Variants in IL1RAPL1 observed in about 807,000 individuals in gnomAD.
The protein encoded by IL1RAPL1 is interleukin 1 receptor accessory protein like 1, also known as interleukin-1 receptor accessory protein-like 1.
Under a neutral mutation model 48.4 loss-of-function variants are expected in IL1RAPL1, and 3 were observed. The observed-to-expected ratio is 0.06, with a 90% CI of 0.03 to 0.16. The LOEUF is 0.16. Ranked by LOEUF, IL1RAPL1 falls within the 10% of genes least tolerant of loss-of-function variation. The pLI, the probability that IL1RAPL1 is intolerant of heterozygous loss-of-function variation, is 1.00. For missense variants in IL1RAPL1, 349 were observed against 530.6 expected (o/e 0.66, Z 3.36); for synonymous variants, 185 against 187.7 (o/e 0.99, Z 0.12).
chrX:29,348,975 G>C (rs1339496128), intron 3 of IL1RAPL1, among the ~76,000 whole-genome samples: 1 of 111,871 alleles, frequency 8.9e-6, no homozygotes. Flanking sequence ...CCCCCTGGAG[G>C]TTACCTCAAA....
At chrX:28,873,179 C>T (rs761889465) in intron 2 of IL1RAPL1, among the ~76,000 whole-genome samples, 146 of 96,518 alleles carry the variant, frequency 1.5e-3, no homozygotes, top group African/African-American at 5.5e-3. Flanking sequence ...GGCACGATCT[C>T]GGCTCACTGC....
chrX:28,680,509 T>C (rs1601857082), intron 1 of IL1RAPL1, among the ~76,000 whole-genome samples: 1 of 111,681 alleles, frequency 9.0e-6, no homozygotes, highest in East Asian at 2.8e-4. Context: ...GTGGTAAGCA[T>C]GGGTACCCTA....
At chrX:29,386,142 C>A (rs1010951988) in intron 3 of IL1RAPL1, among the ~76,000 whole-genome samples, 3 of 111,641 alleles carry the variant, frequency 2.7e-5, no homozygotes, top group Non-Finnish European at 5.6e-5. Context: ...CAATTCTCTG[C>A]CTCAGCCTCC....
chrX:28,929,730 A>G (rs1923832359), intron 2 of IL1RAPL1, among the ~76,000 whole-genome samples: 1 of 112,205 alleles, frequency 8.9e-6, no homozygotes, highest in South Asian at 3.7e-4. Flanking sequence ...TTACCTATTT[A>G]TGTCAAAATG....
In IL1RAPL1 at chrX:29,422,342, G is replaced by A. The variant is rs979326449; in HGVS notation, c.703+23034G>A. On this transcript the variant is annotated intron_variant, in intron 5 of 10. Coordinates refer to ENST00000378993, the MANE Select transcript of IL1RAPL1 (RefSeq NM_014271.4). Reference sequence around the variant, plus strand: ...GTCATTTGCGGGCGGGGAGAGGGAGGGAATCAGAGAGGCTATGAGACTGCT... The same window carrying A: ...GTCATTTGCGGGCGGGGAGAGGGAGAGAATCAGAGAGGCTATGAGACTGCT... 2.7e-5 allele frequency among the ~76,000 whole-genome samples: 3 copies of A among 110,757 alleles called. No individual in the cohort carries two copies. In the Admixed American group the frequency reaches 2.9e-4, roughly 11 times the overall value.
intron 8 of IL1RAPL1, among the ~76,000 whole-genome samples, chrX:29,928,824 C>T (rs1350083781): frequency 9.0e-6 from 1 of 111,530 alleles, no homozygotes; most frequent in Non-Finnish European, 1.9e-5. Flanking sequence ...CTTTTGACAA[C>T]CAGGTCAGTA....
At chrX:29,033,599 A>G (rs1926667057) in intron 2 of IL1RAPL1, among the ~76,000 whole-genome samples, 1 of 111,148 alleles carries the variant, frequency 9.0e-6, no homozygotes, top group Non-Finnish European at 1.9e-5. Context: ...ACCACTCAAG[A>G]CTTTTAAGTA....
At chrX:29,362,335 A>T (rs954127756) in intron 3 of IL1RAPL1, among the ~76,000 whole-genome samples, 1 of 112,064 alleles carries the variant, frequency 8.9e-6, no homozygotes, top group Admixed American at 9.5e-5. Context: ...GGTGCTCAAT[A>T]AATATTTGTG....
At chrX:29,685,779 G>A (rs1314461537) in intron 6 of IL1RAPL1, among the ~76,000 whole-genome samples, 2 of 110,119 alleles carry the variant, frequency 1.8e-5, no homozygotes, top group African/African-American at 6.6e-5. Flanking sequence ...GAGGTCAGGA[G>A]TTCGAGACCG....
intron 5 of IL1RAPL1, among the ~76,000 whole-genome samples, chrX:29,421,273 A>G (rs1394525312): frequency 9.0e-6 from 1 of 110,970 alleles, no homozygotes; most frequent in African/African-American, 3.3e-5. Context: ...CAACACAGCA[A>G]AGTGAGATGG....
intron 5 of IL1RAPL1, among the ~76,000 whole-genome samples, chrX:29,580,531 A>T (rs1473868026): frequency 9.0e-6 from 1 of 111,711 alleles, no homozygotes; most frequent in Non-Finnish European, 1.9e-5. Context: ...ATAATAAACT[A>T]TCTAAGTACT....
Position 29,661,793 on chromosome X carries a change from A to G in IL1RAPL1, c.704-6637A>G, listed in dbSNP as rs146189308. Among the ~76,000 whole-genome samples the G allele has an allele frequency of 6.5e-3, 733 of 111,961 alleles. 5 individuals are homozygous for G. The highest frequency in any genetic ancestry group is 0.023 in the African/African-American group (709 of 30,847). On this transcript the variant is annotated intron_variant, in intron 5 of 10. Coordinates refer to ENST00000378993, the MANE Select transcript of IL1RAPL1 (RefSeq NM_014271.4). ...CCCCTTAACTCATGAACATTCGTTT[A>G]TAATTCACATCTAGTCAGTCAGTAA...
intron 2 of IL1RAPL1, among the ~76,000 whole-genome samples, chrX:28,814,331 A>G (rs1196236096): frequency 1.1e-5 from 1 of 90,529 alleles, no homozygotes; most frequent in Non-Finnish European, 2.2e-5. Flanking sequence ...CTTTGGGGCA[A>G]TTTTCAGGTT....
intron 2 of IL1RAPL1, among the ~76,000 whole-genome samples, chrX:28,880,114 A>G (rs1922468480): frequency 8.9e-6 from 1 of 112,654 alleles, no homozygotes; most frequent in Non-Finnish European, 1.9e-5. Context: ...GAATGAGCAT[A>G]TTATATCCAG....
At chrX:28,625,045 G>A (rs1037506673) in intron 1 of IL1RAPL1, among the ~76,000 whole-genome samples, 1 of 112,008 alleles carries the variant, frequency 8.9e-6, no homozygotes, top group Non-Finnish European at 1.9e-5. Flanking sequence ...TGAGCAAGGA[G>A]CAGAGTCTCT....
chrX:28,746,064 ACTTTAAGTT>A (rs1313812819), intron 1 of IL1RAPL1, among the ~76,000 whole-genome samples: 1 of 111,669 alleles, frequency 9.0e-6, no homozygotes, highest in Non-Finnish European at 1.9e-5. Flanking sequence ...AAATTATTAT[ACTTTAAGTT>A]CTAGGGTACA....
chrX:28,604,376 T>A (rs1169495473), intron 1 of IL1RAPL1, among the ~76,000 whole-genome samples: 1 of 111,452 alleles, frequency 9.0e-6, no homozygotes, highest in African/African-American at 3.3e-5. Context: ...AGAGTTTCAG[T>A]TTCCAGATCT....
intron 5 of IL1RAPL1, among the ~76,000 whole-genome samples, chrX:29,478,769 C>G (rs1322480112): frequency 9.1e-6 from 1 of 109,986 alleles, no homozygotes; most frequent in African/African-American, 3.3e-5. Context: ...TGCTTTTTCT[C>G]TCTGCCGGGA....
chrX:28,794,965 A>T (rs763505003), intron 2 of IL1RAPL1, among the ~76,000 whole-genome samples: 3 of 111,553 alleles, frequency 2.7e-5, no homozygotes, highest in African/African-American at 9.8e-5. Context: ...CTGTAAGTCA[A>T]TGAGCTTAAT....
Sources: allele counts gnomAD v4.1 joint callset (sites outside exome capture counted in the v4.1 genomes callset), GRCh38; gene constraint gnomAD v4.1.1; transcripts MANE v1.5; gene names NCBI Gene and HGNC (gene_info 2026-07-23, HGNC 2026-07-21).